The following P3H2 variants were observed in gnomAD, a reference collection of about 807,000 sequenced individuals.
P3H2 encodes leprecan-like 1.
Under a neutral mutation model 87.0 loss-of-function variants are expected in P3H2, and 80 were observed. The observed-to-expected ratio is 0.92, with a 90% CI of 0.77 to 1.11. P3H2 has a LOEUF of 1.11. Ranked by LOEUF, P3H2 falls within the 50% of genes least tolerant of loss-of-function variation. P3H2 has a pLI of 0.00. For synonymous variants in P3H2, 367 were observed against 359.3 expected (o/e 1.02, Z -0.24); for missense variants, 1,001 against 923.9 (o/e 1.08, Z -1.08).
intron 1 of P3H2, among the ~76,000 whole-genome samples, chr3:190,054,171 C>T (rs1726077636): frequency 6.6e-6 from 1 of 152,176 alleles, no homozygotes; most frequent in African/African-American, 2.4e-5. Context: ...ACCCTCCACC[C>T]CCACCTATAG....
chr3:189,986,942 G>A, intron 5 of P3H2, 65 bp from the exon 6 acceptor site: 2 of 1,056,478 alleles, frequency 1.9e-6, no homozygotes, highest in Non-Finnish European at 1.5e-6. Context: ...TATGATAAAT[G>A]TTCAGGTGGC....
chr3:190,031,093 G>C (rs1007527643), intron 1 of P3H2, among the ~76,000 whole-genome samples: 3 of 151,992 alleles, frequency 2.0e-5, no homozygotes, highest in Non-Finnish European at 2.9e-5. Flanking sequence ...AGTGATGAAA[G>C]ACAGCACAAT....
intron 1 of P3H2, among the ~76,000 whole-genome samples, chr3:190,004,661 T>C (rs540285628): frequency 6.2e-4 from 95 of 152,226 alleles, no homozygotes; most frequent in Admixed American, 3.3e-4. Context: ...GGATTACAGG[T>C]GTGAGCCACC....
In P3H2 at chr3:189,986,862, C is replaced by T. The variant is rs1466491247; in HGVS notation, c.1114G>A (p.Val372Met). The T allele has an allele frequency of 6.2e-7, 1 of 1,611,416 alleles. No homozygotes were observed. Among genetic ancestry groups the T allele is most frequent in the Non-Finnish European group, 8.5e-7 (1 of 1,177,658 alleles). Residue 372 changes from valine to methionine, a missense_variant, in exon 6 of 15, where the codon GTG becomes ATG. Coordinates refer to ENST00000319332, the MANE Select transcript of P3H2 (RefSeq NM_018192.4). ...IEAREDLTMF[V>M]KRHKLESELI... ...TCAGACTCCAGCTTATGACGTTTCA[C>T]AAACATTGTTAAATCCTAGAGAAAA...
At chr3:189,996,139 T>C (rs549947801) in intron 1 of P3H2, among the ~76,000 whole-genome samples, 22 of 152,314 alleles carry the variant, frequency 1.4e-4, no homozygotes, top group Non-Finnish European at 3.1e-4. Context: ...AGTCAGTATG[T>C]TGAAGCTATA....
At chr3:190,022,917 C>A (rs1724970726) in intron 1 of P3H2, among the ~76,000 whole-genome samples, 1 of 152,136 alleles carries the variant, frequency 6.6e-6, no homozygotes, top group Non-Finnish European at 1.5e-5. Flanking sequence ...AGTTCCACCT[C>A]CCGGGTTCAC....
chr3:189,990,673 T>C (rs1577258209), intron 3 of P3H2, among the ~76,000 whole-genome samples: 1 of 152,230 alleles, frequency 6.6e-6, no homozygotes, highest in East Asian at 1.9e-4. Flanking sequence ...CTAATACATT[T>C]GCTATTTAAA....
chr3:190,085,990 A>G (rs2108982446), intron 1 of P3H2, among the ~76,000 whole-genome samples: 1 of 152,292 alleles, frequency 6.6e-6, no homozygotes, highest in Admixed American at 6.5e-5. Context: ...AAATTTACTA[A>G]AAGATTTAAA....
intron 1 of P3H2, among the ~76,000 whole-genome samples, chr3:190,064,559 C>T (rs946781688): frequency 2.6e-5 from 4 of 152,018 alleles, no homozygotes; most frequent in African/African-American, 9.7e-5. Context: ...TGTGCATTCA[C>T]ATATATATTT....
At chr3:190,026,341 G>A (rs1725084080) in intron 1 of P3H2, among the ~76,000 whole-genome samples, 1 of 152,158 alleles carries the variant, frequency 6.6e-6, no homozygotes, top group South Asian at 2.1e-4. Context: ...TTCCCAGATG[G>A]TTAGGCATTC....
chr3:190,083,599 C>T (rs993102691), intron 1 of P3H2, among the ~76,000 whole-genome samples: 7 of 152,238 alleles, frequency 4.6e-5, no homozygotes, highest in African/African-American at 1.2e-4. Context: ...TGGTGTATCC[C>T]GCCCCATCAC....
intron 1 of P3H2, among the ~76,000 whole-genome samples, chr3:190,098,833 A>G (rs1022529997): frequency 6.6e-6 from 1 of 152,178 alleles, no homozygotes; most frequent in East Asian, 1.9e-4. Flanking sequence ...TAGCAATTCC[A>G]TTATATTCTT....
intron 1 of P3H2, among the ~76,000 whole-genome samples, chr3:190,009,042 T>C (rs1485936641): frequency 1.3e-5 from 2 of 152,134 alleles, no homozygotes; most frequent in East Asian, 3.9e-4. Flanking sequence ...GTAACAGACC[T>C]TGATGGATAG....
chr3:190,032,140 T>C (rs1362641127), intron 1 of P3H2, among the ~76,000 whole-genome samples: 1 of 152,248 alleles, frequency 6.6e-6, no homozygotes, highest in Non-Finnish European at 1.5e-5. Context: ...CTTCCTTCCA[T>C]ATCCTATTCT....
intron 1 of P3H2, among the ~76,000 whole-genome samples, chr3:190,056,532 G>A (rs1726160070): frequency 6.6e-6 from 1 of 152,200 alleles, no homozygotes; most frequent in Non-Finnish European, 1.5e-5. Flanking sequence ...CATTCAGAAT[G>A]TTTGATAGGT....
At position 189,986,768 on chromosome 3, in the gene P3H2, C is replaced by T. The variant is rs199616097; in HGVS notation, c.1188+20G>A. On this transcript the variant is annotated intron_variant, in intron 6 of 14. Transcript: ENST00000319332. ...TCCACTGAATCATTATTTTAATAAA[C>T]GTTTCCTCTTTCCTCTTACCGGTTC... The T allele has an allele frequency of 3.3e-6, 5 of 1,507,914 alleles. No homozygotes were observed. Among genetic ancestry groups the T allele is most frequent in the South Asian group, 2.3e-5 (2 of 88,780 alleles). The allele number at this position is 1,507,914 out of a possible 1,614,324, so 93.4% of individuals were successfully genotyped here.
intron 1 of P3H2, among the ~76,000 whole-genome samples, chr3:190,095,045 C>T (rs910247450): frequency 7.9e-5 from 12 of 151,910 alleles, no homozygotes; most frequent in Admixed American, 2.0e-4. Context: ...TTAGTTTTCA[C>T]AGAAAAGTGA....
intron 7 of P3H2, chr3:189,983,371 A>C: frequency 1.9e-6 from 1 of 539,612 alleles, no homozygotes; most frequent in Middle Eastern, 5.1e-4. Flanking sequence ...CCTTTATTAC[A>C]ATTAATTGTA....
At chr3:190,097,424 T>C (rs1268887152) in intron 1 of P3H2, among the ~76,000 whole-genome samples, 2 of 152,198 alleles carry the variant, frequency 1.3e-5, no homozygotes, top group African/African-American at 2.4e-5. Flanking sequence ...GACTGACTTA[T>C]ACCTACAAAC....
Sources: allele counts gnomAD v4.1 joint callset (sites outside exome capture counted in the v4.1 genomes callset), GRCh38; gene constraint gnomAD v4.1.1; transcripts MANE v1.5; gene names NCBI Gene and HGNC (gene_info 2026-07-23, HGNC 2026-07-21).